RRAGC: variants seen among roughly 807,000 people sequenced by gnomAD.
The protein encoded by RRAGC is Ras related GTP binding C.
A neutral mutation model predicts 37.1 loss-of-function variants in RRAGC; 8 were observed. That is an observed-to-expected ratio of 0.22 (90% CI 0.13 to 0.39). The LOEUF (loss-of-function observed/expected upper bound fraction) is 0.39. Ranked by LOEUF, RRAGC falls within the 10% of genes least tolerant of loss-of-function variation. The pLI is 1.00. For synonymous variants in RRAGC, 190 were observed against 181.1 expected (o/e 1.05, Z -0.39); for missense variants, 342 against 497.6 (o/e 0.69, Z 2.98).
chr1:38,840,756 A>G (rs1183148983), intron 6 of RRAGC, among the ~76,000 whole-genome samples: 1 of 152,254 alleles, frequency 6.6e-6, no homozygotes. Context: ...GGGACATCAG[A>G]GAACTCTTGG....
chr1:38,853,263 G>A (rs1642122339), intron 3 of RRAGC, among the ~76,000 whole-genome samples: 3 of 152,160 alleles, frequency 2.0e-5, no homozygotes, highest in African/African-American at 4.8e-5. Flanking sequence ...AAGGACTTAC[G>A]GTGGAGAAGT....
Position 38,856,875 on chromosome 1 carries a change from C to A in RRAGC, c.441+4G>T. 1.2e-6 allele frequency: 2 copies of A among 1,613,440 alleles called. No individual in the cohort carries two copies. ...GAAAGAGGAGTAAACACATTACTGA[C>A]TACCTGTGCGTCAATGACGTATATC... On this transcript the variant is annotated splice_donor_region_variant and intron_variant, in intron 2 of 6. Transcript: ENST00000373001.
intron 1 of RRAGC, among the ~76,000 whole-genome samples, 154 bp downstream of exon 1, chr1:38,859,256 G>A (rs1642204905): frequency 6.6e-6 from 1 of 152,244 alleles, no homozygotes; most frequent in Admixed American, 6.5e-5. Context: ...CGGGGTCCCC[G>A]CGCGGGCCGC....
intron 6 of RRAGC, 92 bp from the exon 7 acceptor site, chr1:38,839,796 A>G (rs889341664): frequency 2.3e-5 from 29 of 1,281,994 alleles, no homozygotes; most frequent in Non-Finnish European, 3.1e-5. Flanking sequence ...TCGGATAAAC[A>G]CTGGTTGGAA....
rs72925115 is a variant in RRAGC at position 38,851,491 on chromosome 1, G to C, written c.899+124C>G. On this transcript the variant is annotated intron_variant, in intron 5 of 6. Coordinates refer to ENST00000373001, the MANE Select transcript of RRAGC (RefSeq NM_022157.4). ...TCATGCTCCAAGTTAAAGCACTATG[G>C]TCAGAACAATCCCAGTTCATGTAGT... 7.0e-3 allele frequency: 5,800 copies of C among 825,932 alleles called. 140 individuals are homozygous for C. The highest frequency in any genetic ancestry group is 0.063 in the African/African-American group (3,486 of 55,488). The allele number at this position is 825,932 out of a possible 1,614,324, so 51.2% of individuals were successfully genotyped here.
At chr1:38,846,771 T>A (rs1642033326) in intron 5 of RRAGC, 1 of 152,056 alleles carries the variant, frequency 6.6e-6, no homozygotes, top group South Asian at 2.1e-4. Flanking sequence ...TAAAAGTATT[T>A]GCCTTCAAAA....
intron 6 of RRAGC, among the ~76,000 whole-genome samples, chr1:38,841,026 A>T (rs1202960249): frequency 6.6e-6 from 1 of 152,226 alleles, no homozygotes; most frequent in Non-Finnish European, 1.5e-5. Context: ...TACCTACTGA[A>T]ATCTGCAGAG....
intron 1 of RRAGC, among the ~76,000 whole-genome samples, chr1:38,858,463 C>A (rs1221270392): frequency 6.6e-6 from 1 of 152,136 alleles, no homozygotes. Flanking sequence ...CTTTGGGAGG[C>A]CAAGGCGGAT....
At chr1:38,856,031 A>C (rs1242857481) in intron 2 of RRAGC, 124 bp from the exon 3 acceptor site, 1 of 635,146 alleles carries the variant, frequency 1.6e-6, no homozygotes, top group Non-Finnish European at 2.7e-6. Context: ...ATCAATATTC[A>C]AACATTCAAA....
At position 38,843,938 on chromosome 1, in the gene RRAGC, T is replaced by A. The variant is rs527357396; in HGVS notation, c.1048+2001A>T. On this transcript the variant is annotated intron_variant, in intron 6 of 6. Coordinates refer to ENST00000373001, the MANE Select transcript of RRAGC (RefSeq NM_022157.4). Reference sequence around the variant, plus strand: ...CTGCAGCACCACTGGCCTGAAGCAATGAGAACCTGGAGTGGAATCACTGAC... The same window carrying A: ...CTGCAGCACCACTGGCCTGAAGCAAAGAGAACCTGGAGTGGAATCACTGAC... 4.6e-5 allele frequency among the ~76,000 whole-genome samples: 7 copies of A among 152,164 alleles called. No homozygotes were observed. In the South Asian group the frequency reaches 1.5e-3, roughly 32 times the overall value.
chr1:38,845,805 A>C (rs1281650863), intron 6 of RRAGC, 134 bp downstream of exon 6: 1 of 667,630 alleles, frequency 1.5e-6, no homozygotes, highest in Non-Finnish European at 2.5e-6. Context: ...GGAAAGGGAC[A>C]AAAGCAGTTT....
intron 5 of RRAGC, chr1:38,848,208 C>T (rs1161017532): frequency 1.3e-5 from 2 of 151,964 alleles, no homozygotes; most frequent in Non-Finnish European, 2.9e-5. Context: ...GTGTCATTTG[C>T]TTTTAAGAGT....
intron 1 of RRAGC, 42 bp downstream of exon 1, chr1:38,859,368 G>C (rs1011778990): frequency 6.5e-7 from 1 of 1,528,022 alleles, no homozygotes. Context: ...GGCCACCTGA[G>C]AACCGGGGAG....
chr1:38,851,407 C>T (rs760462965), intron 5 of RRAGC: 31 of 377,970 alleles, frequency 8.2e-5, no homozygotes, highest in Non-Finnish European at 1.5e-4. Flanking sequence ...GTCATGCTTT[C>T]CAACTTTTCT....
chr1:38,858,527 GTCTCTAC>G (rs1642194925), intron 1 of RRAGC, among the ~76,000 whole-genome samples: 1 of 152,106 alleles, frequency 6.6e-6, no homozygotes, highest in Non-Finnish European at 1.5e-5. Context: ...GTGAAACCCC[GTCTCTAC>G]TAAAAATACA....
chr1:38,839,677 A>G lies in RRAGC; in HGVS notation c.1076T>C (p.Phe359Ser). The part of the protein sequence containing the change: ...KGLIDYNFHC[F>S]RKAIHEVFEV... Reference sequence around the variant, plus strand: ...AAAAACCTCATGAATAGCTTTTCGGAAACAGTGGAAGTTGTAGTCTATTAA... The same window carrying G: ...AAAAACCTCATGAATAGCTTTTCGGGAACAGTGGAAGTTGTAGTCTATTAA... The change falls in exon 7 of 7, where the codon TTC becomes TCC. Residue 359 changes from phenylalanine to serine, a missense_variant. Physicochemically the swap from Phe to Ser is radical, Grantham distance 155 (BLOSUM62 -2). Around this residue, in one of 3 missense-constraint regions of RRAGC, gnomAD observed 104 missense variants for 127.0 expected, o/e 0.82. Coordinates refer to ENST00000373001, the MANE Select transcript of RRAGC (RefSeq NM_022157.4). The G allele has an allele frequency of 6.2e-7, 1 of 1,614,166 alleles. No individual in the cohort carries two copies. Among genetic ancestry groups the G allele is most frequent in the Non-Finnish European group, 8.5e-7 (1 of 1,180,012 alleles).
In RRAGC at chr1:38,845,970, G is replaced by A. The variant is rs759809933; in HGVS notation, c.1017C>T (p.Cys339=). Residue 339 remains cysteine (C), a synonymous_variant, in exon 6 of 7, where the codon TGC becomes TGT. Transcript: ENST00000373001. ...KEVTKFLALV[C]ILREESFERK... ...TTTCAAAGCTTTCTTCCCTTAGAATGCAGACCAGTGCCAAAAATTTAGTCA... is the reference window on the plus strand; with the variant it reads ...TTTCAAAGCTTTCTTCCCTTAGAATACAGACCAGTGCCAAAAATTTAGTCA... 1.9e-5 allele frequency: 31 copies of A among 1,612,698 alleles called. No individual in the cohort carries two copies. The East Asian group carries it at 4.5e-4, about 23-fold the overall frequency.
At chr1:38,849,924 A>T (rs1233700925) in intron 5 of RRAGC, among the ~76,000 whole-genome samples, 1 of 152,010 alleles carries the variant, frequency 6.6e-6, no homozygotes, top group Non-Finnish European at 1.5e-5. Flanking sequence ...GAATTAAAAC[A>T]AGCCAGGCAT....
chr1:38,859,586 A>G lies in RRAGC; in HGVS notation c.61T>C (p.Ser21Pro). ...CCGTAGCCGAAGTCCTTTGGAAACG[A>G]ATCGGCCGCGCCGTAACTGCCGGCG... Reference protein sequence around the residue: ...PLAGSYGAADSFPKDFGYGVE... With the variant: ...PLAGSYGAADPFPKDFGYGVE... The change falls in exon 1 of 7, where the codon TCG (serine) becomes CCG (proline). Residue 21 changes from serine to proline, a missense_variant. Coordinates refer to ENST00000373001, the MANE Select transcript of RRAGC (RefSeq NM_022157.4). The G allele has an allele frequency of 6.4e-7, 1 of 1,566,226 alleles. No individual in the cohort carries two copies. The highest frequency in any genetic ancestry group is 8.6e-7 in the Non-Finnish European group (1 of 1,156,952).
Sources: gnomAD v4.1 joint callset for allele counts (sites outside exome capture counted in the v4.1 genomes callset) on GRCh38, gnomAD v4.1.1 for gene constraint, gnomAD v4.1.1 regional missense constraint, MANE v1.5 for transcripts, NCBI Gene and HGNC (gene_info 2026-07-23, HGNC 2026-07-21) for gene names.